CEP112: variants seen among roughly 807,000 people sequenced by gnomAD.
CEP112 encodes centrosomal protein 112.
CEP112 carries 127 observed loss-of-function variants against 153.0 expected under a neutral mutation model. The ratio of observed to expected loss-of-function variants is 0.83; its 90% CI spans 0.72 to 0.96. The LOEUF is 0.96. CEP112 is among the 40% of genes least tolerant of loss of function. CEP112 has a pLI of 0.00. For missense variants in CEP112, 1,089 were observed against 1,101.2 expected, an observed-to-expected ratio of 0.99 and a Z score of 0.16; for synonymous variants, 358 against 374.4, an observed-to-expected ratio of 0.96 and a Z score of 0.51.
At chr17:65,970,662 C>T (rs1006279631) in intron 17 of CEP112, among the ~76,000 whole-genome samples, 1 of 151,922 alleles carries the variant, frequency 6.6e-6, no homozygotes, top group Non-Finnish European at 1.5e-5. Flanking sequence ...ATATTACATA[C>T]ATGCATATTA....
chr17:66,098,607 G>A (rs1278590648), intron 6 of CEP112, among the ~76,000 whole-genome samples: 1 of 152,124 alleles, frequency 6.6e-6, no homozygotes, highest in Non-Finnish European at 1.5e-5. Flanking sequence ...CAATAGACAG[G>A]ATATAAAGTA....
At chr17:66,141,140 T>A (rs1375719560) in intron 4 of CEP112, among the ~76,000 whole-genome samples, 1 of 149,854 alleles carries the variant, frequency 6.7e-6, no homozygotes, top group African/African-American at 2.5e-5. Context: ...TTTTCCTTTG[T>A]TTTCTCAGAA....
At chr17:65,657,056 C>CG (rs1236399768) in intron 24 of CEP112, among the ~76,000 whole-genome samples, 2 of 152,140 alleles carry the variant, frequency 1.3e-5, no homozygotes, top group Admixed American at 1.3e-4. Context: ...CCAGGGCCTA[C>CG]GGGGCTGCTG....
At chr17:66,167,933 C>T (rs901015245) in intron 4 of CEP112, among the ~76,000 whole-genome samples, 4 of 152,144 alleles carry the variant, frequency 2.6e-5, no homozygotes, top group African/African-American at 9.7e-5. Context: ...CCTCACTTGG[C>T]CTCTGCTTTC....
chr17:65,866,807 G>A (rs983935985), intron 20 of CEP112, among the ~76,000 whole-genome samples: 1 of 151,962 alleles, frequency 6.6e-6, no homozygotes, highest in Non-Finnish European at 1.5e-5. Context: ...CCCTGGCTAC[G>A]GAGAGGAGCT....
chr17:65,877,539 C>T (rs1445482530), intron 20 of CEP112, among the ~76,000 whole-genome samples: 2 of 152,188 alleles, frequency 1.3e-5, no homozygotes, highest in African/African-American at 4.8e-5. Context: ...TCCCTCACTT[C>T]AGACTCCTAC....
intron 8 of CEP112, among the ~76,000 whole-genome samples, chr17:66,070,351 A>G (rs949680222): frequency 8.6e-5 from 13 of 151,954 alleles, no homozygotes; most frequent in Non-Finnish European, 7.4e-5. Flanking sequence ...TTTACTCTTC[A>G]TTATTTTTCA....
intron 4 of CEP112, among the ~76,000 whole-genome samples, chr17:66,171,126 G>A (rs2072226299): frequency 6.6e-6 from 1 of 152,078 alleles, no homozygotes. Flanking sequence ...TAAAGGAAAG[G>A]TGCCATCTCT....
intron 12 of CEP112, among the ~76,000 whole-genome samples, chr17:66,052,001 G>A (rs900741554): frequency 1.3e-5 from 2 of 152,194 alleles, no homozygotes; most frequent in African/African-American, 4.8e-5. Context: ...TTAGCATACA[G>A]ATGGGCAAAA....
chr17:65,782,851 A>C (rs192289596), intron 21 of CEP112, among the ~76,000 whole-genome samples: 207 of 152,202 alleles, frequency 1.4e-3, no homozygotes, highest in African/African-American at 4.8e-3. Context: ...TGGGAAAACT[A>C]ACTGTTCAGT....
chr17:66,078,406 C>A (rs138727903), intron 8 of CEP112, among the ~76,000 whole-genome samples: 2 of 151,686 alleles, frequency 1.3e-5, no homozygotes, highest in South Asian at 2.1e-4. Flanking sequence ...TACAGACATG[C>A]GCCACCACGC....
chr17:65,872,662 G>T (rs2058702746), intron 20 of CEP112, among the ~76,000 whole-genome samples: 1 of 152,152 alleles, frequency 6.6e-6, no homozygotes, highest in African/African-American at 2.4e-5. Context: ...ACAGAGAAAT[G>T]CAGTAAGCAA....
At chr17:65,760,261 G>C (rs2052532873) in intron 21 of CEP112, among the ~76,000 whole-genome samples, 1 of 151,882 alleles carries the variant, frequency 6.6e-6, no homozygotes, top group Non-Finnish European at 1.5e-5. Context: ...TCCTTTTCTT[G>C]TGTATTGCAT....
chr17:65,745,346 T>A (rs1038074235), intron 22 of CEP112, among the ~76,000 whole-genome samples: 11 of 152,222 alleles, frequency 7.2e-5, no homozygotes, highest in African/African-American at 2.7e-4. Flanking sequence ...GAATTTTGAT[T>A]AAATATTGTT....
At chr17:65,999,921 T>C (rs1568360623) in intron 17 of CEP112, among the ~76,000 whole-genome samples, 1 of 152,234 alleles carries the variant, frequency 6.6e-6, no homozygotes, top group Non-Finnish European at 1.5e-5. Flanking sequence ...TATGGCTGCA[T>C]AGTATTCCAT....
At chr17:65,921,779 AT>A (rs2060737845) in intron 19 of CEP112, among the ~76,000 whole-genome samples, 1 of 152,152 alleles carries the variant, frequency 6.6e-6, no homozygotes, top group African/African-American at 2.4e-5. Flanking sequence ...GGTATCCCTT[AT>A]TGTGTTAGTA....
intron 20 of CEP112, among the ~76,000 whole-genome samples, chr17:65,864,594 AT>A (rs1352519316): frequency 4.6e-5 from 7 of 152,204 alleles, no homozygotes; most frequent in Non-Finnish European, 7.3e-5. Context: ...GAACTGCTTC[AT>A]TCAGGCTTCT....
intron 6 of CEP112, among the ~76,000 whole-genome samples, chr17:66,101,401 T>C (rs1013989473): frequency 6.6e-6 from 1 of 151,984 alleles, no homozygotes; most frequent in African/African-American, 2.4e-5. Flanking sequence ...GTAGACTCTA[T>C]TAGAGCATGA....
chr17:65,749,344 T>C (rs1256331238), intron 22 of CEP112, among the ~76,000 whole-genome samples: 2 of 151,844 alleles, frequency 1.3e-5, no homozygotes, highest in Non-Finnish European at 2.9e-5. Flanking sequence ...CTGTCTCTAC[T>C]AAAAATACAA....
Sources: allele counts gnomAD v4.1 joint callset (sites outside exome capture counted in the v4.1 genomes callset), GRCh38; gene constraint gnomAD v4.1.1; transcripts MANE v1.5; gene names NCBI Gene and HGNC (gene_info 2026-07-23, HGNC 2026-07-21).